The following FOXP1 variants were observed in gnomAD, a reference collection of about 807,000 sequenced individuals.
FOXP1 encodes forkhead box protein P1.
Under a neutral mutation model 98.2 loss-of-function variants are expected in FOXP1, and 15 were observed. The observed-to-expected ratio is 0.15, with a 90% CI of 0.10 to 0.24. The LOEUF is 0.24. Among genes scored for constraint, FOXP1 ranks in the 10% least tolerant of loss-of-function variants. The pLI, the probability that FOXP1 is intolerant of heterozygous loss-of-function variation, is 1.00. For synonymous variants in FOXP1, 371 were observed against 314.5 expected (o/e 1.18, Z -1.90); for missense variants, 633 against 848.5 (o/e 0.75, Z 3.15).
At chr3:71,251,830 T>C (rs189524114) in intron 5 of FOXP1, among the ~76,000 whole-genome samples, 142 of 152,340 alleles carry the variant, frequency 9.3e-4, no homozygotes, top group Non-Finnish European at 1.7e-3. Context: ...AGGCTCAACG[T>C]AGACTTTAGG....
At chr3:71,462,729 C>T (rs2088266743) in intron 3 of FOXP1, among the ~76,000 whole-genome samples, 1 of 152,208 alleles carries the variant, frequency 6.6e-6, no homozygotes, top group Non-Finnish European at 1.5e-5. Context: ...GTATTCTAGT[C>T]ATCCGATGAA....
chr3:71,524,360 CA>C (rs1034452394), intron 2 of FOXP1, among the ~76,000 whole-genome samples: 2 of 151,154 alleles, frequency 1.3e-5, no homozygotes, highest in African/African-American at 4.9e-5. Flanking sequence ...GAGACTGTCT[CA>C]AAAAAACAAA....
chr3:71,114,599 G>C (rs745322507), intron 6 of FOXP1, among the ~76,000 whole-genome samples: 50 of 152,194 alleles, frequency 3.3e-4, no homozygotes, highest in Non-Finnish European at 6.3e-4. Context: ...TATCCCACCT[G>C]CCTACTGCAT....
At chr3:71,520,826 A>T (rs1017775189) in intron 2 of FOXP1, among the ~76,000 whole-genome samples, 6 of 152,252 alleles carry the variant, frequency 3.9e-5, no homozygotes, top group African/African-American at 1.4e-4. Flanking sequence ...TAAGTCACAA[A>T]GTATAATCAG....
intron 5 of FOXP1, among the ~76,000 whole-genome samples, chr3:71,211,266 G>T (rs1253230031): frequency 6.6e-6 from 1 of 152,086 alleles, no homozygotes; most frequent in Non-Finnish European, 1.5e-5. Flanking sequence ...GAGTGCAGTG[G>T]CGCAATCTTG....
intron 7 of FOXP1, among the ~76,000 whole-genome samples, chr3:71,064,232 C>G (rs1488915594): frequency 6.6e-6 from 1 of 152,158 alleles, no homozygotes; most frequent in Non-Finnish European, 1.5e-5. Context: ...CGAATTTGAA[C>G]AGCTAAGCTG....
At chr3:71,446,054 TGAG>T (rs1414951817) in intron 3 of FOXP1, among the ~76,000 whole-genome samples, 1 of 150,896 alleles carries the variant, frequency 6.6e-6, no homozygotes, top group East Asian at 1.9e-4. Context: ...AGTGAGTGAG[TGAG>T]TGAGTGAGTG....
At chr3:70,982,198 A>G (rs1370177403) in intron 14 of FOXP1, among the ~76,000 whole-genome samples, 2 of 152,186 alleles carry the variant, frequency 1.3e-5, no homozygotes, top group African/African-American at 4.8e-5. Context: ...CAGACTTAGA[A>G]CAGAAGAGCA....
chr3:71,515,045 C>T (rs1481685767), intron 2 of FOXP1, among the ~76,000 whole-genome samples: 1 of 152,128 alleles, frequency 6.6e-6, no homozygotes, highest in African/African-American at 2.4e-5. Flanking sequence ...AATTAAACAG[C>T]ATAAAGATAG....
chr3:71,197,834 C>A, intron 6 of FOXP1: 1 of 1,572,310 alleles, frequency 6.4e-7, no homozygotes, highest in Non-Finnish European at 8.7e-7. Context: ...CAGGCTTAAG[C>A]CTGTTTTTCG....
In FOXP1 at chr3:71,085,776, C is replaced by CTGGAG. The variant is rs1027167731; in HGVS notation, c.282+26755_282+26759dup. Reference sequence around the variant, plus strand: ...CATGGAGTCTCACTGTGTTGCCAGACTGGAGTGCAGTGGTGTGATCTTGGC... The same window carrying CTGGAG: ...CATGGAGTCTCACTGTGTTGCCAGACTGGAGTGGAGTGCAGTGGTGTGATCTTGGC... On this transcript the variant is annotated intron_variant, in intron 7 of 20. Transcript: ENST00000649528. Among the ~76,000 whole-genome samples the CTGGAG allele has an allele frequency of 1.2e-3, 80 of 68,902 alleles. 1 individual carries two copies. Among genetic ancestry groups the CTGGAG allele is most frequent in the African/African-American group, 4.3e-3 (76 of 17,570 alleles). 45.2% of individuals were successfully genotyped at this position (68,902 alleles called of 152,430 possible).
At chr3:71,307,896 C>A (rs547254404) in intron 4 of FOXP1, among the ~76,000 whole-genome samples, 2 of 152,126 alleles carry the variant, frequency 1.3e-5, no homozygotes, top group South Asian at 4.2e-4. Context: ...AGATACTGTA[C>A]CCTAAATTAA....
intron 7 of FOXP1, among the ~76,000 whole-genome samples, chr3:71,107,608 T>TA (rs909685447): frequency 8.0e-5 from 12 of 149,506 alleles, no homozygotes; most frequent in Admixed American, 1.3e-4. Context: ...CTCTAGACAT[T>TA]AAAAAAAAAA....
chr3:71,048,009 C>A (rs1398399344), intron 9 of FOXP1, among the ~76,000 whole-genome samples: 5 of 152,066 alleles, frequency 3.3e-5, no homozygotes, highest in Non-Finnish European at 7.4e-5. Flanking sequence ...TAATACAGTG[C>A]AGTAGTACAA....
At chr3:71,309,815 T>C (rs1004967633) in intron 4 of FOXP1, among the ~76,000 whole-genome samples, 1 of 152,020 alleles carries the variant, frequency 6.6e-6, no homozygotes, top group Admixed American at 6.5e-5. Flanking sequence ...GATAAAAATG[T>C]TCTCACATGG....
At chr3:71,269,874 A>C (rs1257887764) in intron 5 of FOXP1, among the ~76,000 whole-genome samples, 3 of 152,180 alleles carry the variant, frequency 2.0e-5, no homozygotes, top group Admixed American at 1.3e-4. Context: ...CAGTCCATAA[A>C]TCATATGCTA....
intron 6 of FOXP1, among the ~76,000 whole-genome samples, chr3:71,188,567 G>A (rs2062786013): frequency 6.6e-6 from 1 of 152,056 alleles, no homozygotes; most frequent in Non-Finnish European, 1.5e-5. Flanking sequence ...ACAGGTGGAT[G>A]CCAACACGCC....
chr3:71,002,802 A>C (rs2042283711), intron 12 of FOXP1, among the ~76,000 whole-genome samples: 1 of 152,168 alleles, frequency 6.6e-6, no homozygotes, highest in African/African-American at 2.4e-5. Context: ...CTTGCCTCAA[A>C]CCACGTGGGT....
chr3:71,252,950 T>A (rs2068323227), intron 5 of FOXP1, among the ~76,000 whole-genome samples: 1 of 152,178 alleles, frequency 6.6e-6, no homozygotes, highest in Admixed American at 6.5e-5. Context: ...ATTCATAGGC[T>A]AGTCCTGCAA....
Sources: gnomAD v4.1 joint callset for allele counts (sites outside exome capture counted in the v4.1 genomes callset) on GRCh38, gnomAD v4.1.1 for gene constraint, MANE v1.5 for transcripts, NCBI Gene and HGNC (gene_info 2026-07-23, HGNC 2026-07-21) for gene names.